Variants in NARS2 observed in about 807,000 individuals in gnomAD.
NARS2 encodes the protein asparaginyl-tRNA synthetase 2, mitochondrial, also known as asparaginyl-tRNA synthetase.
Under a neutral mutation model 62.9 loss-of-function variants are expected in NARS2, and 60 were observed. The ratio of observed to expected loss-of-function variants is 0.95; its 90% CI spans 0.77 to 1.18. NARS2 has a LOEUF of 1.18. NARS2 is among the 50% of genes most tolerant of loss of function. The pLI is 0.00. For synonymous variants in NARS2, 196 were observed against 200.0 expected (o/e 0.98, Z 0.17); for missense variants, 619 against 576.4 (o/e 1.07, Z -0.76).
In NARS2 at chr11:78,574,797, A is replaced by C. The variant is rs528542614; in HGVS notation, c.-309T>G. On this transcript the variant is annotated 5_prime_UTR_variant, in exon 1 of 14. Transcript: ENST00000281038. ...CGACAATTGTAAACCTACGAACAGA[A>C]CCCGGGCCGCAACACGCGCAACCAC... The C allele has an allele frequency of 1.9e-5, 6 of 313,150 alleles. No homozygotes were observed. Among genetic ancestry groups the C allele is most frequent in the Admixed American group, 9.3e-5 (2 of 21,556 alleles). The allele number at this position is 313,150 out of a possible 1,614,324, so 19.4% of individuals were successfully genotyped here.
chr11:78,553,949 T>C (rs1856229492), intron 5 of NARS2, among the ~76,000 whole-genome samples: 1 of 152,218 alleles, frequency 6.6e-6, no homozygotes, highest in South Asian at 2.1e-4. Flanking sequence ...GCTTCAATCG[T>C]CTGCATACGG....
intron 2 of NARS2, 21 bp downstream of exon 2, chr11:78,571,314 C>CTT (rs1187614641): frequency 1.3e-6 from 2 of 1,533,220 alleles, no homozygotes; most frequent in African/African-American, 2.7e-5. Flanking sequence ...TCAAAGAATT[C>CTT]TTTTAAAAAA....
chr11:78,493,098 T>A lies in NARS2; in HGVS notation c.787A>T (p.Ile263Phe). The A allele has an allele frequency of 6.2e-7, 1 of 1,613,756 alleles. No homozygotes were observed. Among genetic ancestry groups the A allele is most frequent in the South Asian group, 1.1e-5 (1 of 91,046 alleles). Residue 263 changes from isoleucine (I) to phenylalanine (F), a missense_variant, in exon 7 of 14, where the codon ATT becomes TTT. Coordinates refer to ENST00000281038, the MANE Select transcript of NARS2 (RefSeq NM_024678.6). ...LAEFYMIEAEISFVDSLQDLM... is the reference protein window; with the variant it reads ...LAEFYMIEAEFSFVDSLQDLM... Reference sequence around the variant, plus strand: ...TCTTGAAGGCTGTCAACAAAAGAAATCTCTGCTTCTATCATATAAAACTCT... The same window carrying A: ...TCTTGAAGGCTGTCAACAAAAGAAAACTCTGCTTCTATCATATAAAACTCT...
intron 6 of NARS2, among the ~76,000 whole-genome samples, chr11:78,509,228 T>C (rs1860623498): frequency 6.6e-6 from 1 of 152,144 alleles, no homozygotes. Flanking sequence ...AAATCTTATA[T>C]TTGGCAAAAC....
At chr11:78,505,980 T>A (rs1254304237) in intron 6 of NARS2, among the ~76,000 whole-genome samples, 3 of 151,924 alleles carry the variant, frequency 2.0e-5, no homozygotes, top group African/African-American at 7.3e-5. Context: ...GTATCCAGAA[T>A]ATATAAAGAA....
chr11:78,499,557 G>C (rs1404075332), intron 6 of NARS2, among the ~76,000 whole-genome samples: 1 of 152,216 alleles, frequency 6.6e-6, no homozygotes, highest in Admixed American at 6.5e-5. Context: ...GAAGGCACTA[G>C]AGAGTAACAG....
At chr11:78,496,125 A>G (rs1860046556) in intron 6 of NARS2, among the ~76,000 whole-genome samples, 1 of 151,838 alleles carries the variant, frequency 6.6e-6, no homozygotes, top group Admixed American at 6.6e-5. Flanking sequence ...TGCTTCCTCT[A>G]AAGTAACAGA....
intron 11 of NARS2, among the ~76,000 whole-genome samples, chr11:78,453,746 C>T (rs1455355110): frequency 3.3e-5 from 5 of 152,178 alleles, no homozygotes; most frequent in South Asian, 4.1e-4. Flanking sequence ...TGCTGAAATA[C>T]ACAGTATTTT....
chr11:78,486,686 T>A (rs943286958), intron 7 of NARS2, among the ~76,000 whole-genome samples: 1 of 152,022 alleles, frequency 6.6e-6, no homozygotes. Context: ...GAACACAACA[T>A]TAAAAACAGC....
intron 10 of NARS2, 134 bp from the exon 11 acceptor site, chr11:78,466,147 G>T: frequency 1.2e-6 from 1 of 853,634 alleles, no homozygotes; most frequent in Non-Finnish European, 1.8e-6. Context: ...AGCTGCTAAG[G>T]TTACACAGCT....
chr11:78,549,855 TGGGA>T (rs1017016846), intron 5 of NARS2, among the ~76,000 whole-genome samples: 1 of 151,334 alleles, frequency 6.6e-6, no homozygotes, highest in Admixed American at 6.6e-5. Context: ...TGGTAGGGGG[TGGGA>T]GGGAGGAGAG....
chr11:78,555,264 T>A (rs577898765), intron 5 of NARS2: 2 of 152,318 alleles, frequency 1.3e-5, no homozygotes, highest in South Asian at 4.1e-4. Flanking sequence ...TGAGGAGAAG[T>A]TCCCCCTCCA....
At chr11:78,493,308 CA>C in intron 6 of NARS2, 113 bp from the exon 7 acceptor site, 1 of 877,736 alleles carries the variant, frequency 1.1e-6, no homozygotes, top group Non-Finnish European at 1.8e-6. Flanking sequence ...CTGTCTTGTC[CA>C]CAGACTGACA....
intron 11 of NARS2, among the ~76,000 whole-genome samples, chr11:78,460,271 ATT>A (rs112389422): frequency 1.4e-5 from 2 of 145,206 alleles, no homozygotes; most frequent in Admixed American, 6.9e-5. Context: ...GATTGGGTTA[ATT>A]TTTTTTTTTT....
At chr11:78,493,233 C>G in intron 6 of NARS2, 38 bp from the exon 7 acceptor site, 1 of 1,554,766 alleles carries the variant, frequency 6.4e-7, no homozygotes, top group South Asian at 1.2e-5. Flanking sequence ...ATAGAATTCA[C>G]ATGATTAATT....
chr11:78,553,290 CT>C (rs1191260081), intron 5 of NARS2, among the ~76,000 whole-genome samples: 1 of 150,948 alleles, frequency 6.6e-6, no homozygotes, highest in East Asian at 1.9e-4. Context: ...TGCACCCCCC[CT>C]TTTTTTTTCT....
intron 5 of NARS2, among the ~76,000 whole-genome samples, chr11:78,556,908 A>C (rs572754728): frequency 1.7e-3 from 257 of 152,362 alleles, no homozygotes; most frequent in African/African-American, 5.8e-3. Context: ...AATGAAAAGC[A>C]TGCTCCTTCC....
intron 11 of NARS2, among the ~76,000 whole-genome samples, chr11:78,449,782 CTTG>C (rs775689303): frequency 6.6e-5 from 10 of 152,140 alleles, no homozygotes; most frequent in Non-Finnish European, 1.5e-4. Context: ...TTATACTCCC[CTTG>C]TTGTAACAAC....
At chr11:78,503,436 C>T (rs1860362086) in intron 6 of NARS2, among the ~76,000 whole-genome samples, 1 of 152,048 alleles carries the variant, frequency 6.6e-6, no homozygotes, top group Admixed American at 6.6e-5. Context: ...CGGGGCTTCT[C>T]CATGTTGGCC....
Sources: gnomAD v4.1 joint callset for allele counts (sites outside exome capture counted in the v4.1 genomes callset) on GRCh38, gnomAD v4.1.1 for gene constraint, MANE v1.5 for transcripts, NCBI Gene and HGNC (gene_info 2026-07-23, HGNC 2026-07-21) for gene names.